Variants in GNG4 observed in about 807,000 individuals in gnomAD.
The protein encoded by GNG4 is guanine nucleotide-binding protein G(I)/G(S)/G(O) subunit gamma-4.
A neutral mutation model predicts 5.8 loss-of-function variants in GNG4; 4 were observed. That is an observed-to-expected ratio of 0.69 (90% CI 0.34 to 1.57). The LOEUF (loss-of-function observed/expected upper bound fraction) is 1.57, where lower values mean the gene tolerates loss of function less well. Ranked by LOEUF, GNG4 falls within the 40% of genes most tolerant of loss-of-function variation. GNG4 has a pLI of 0.06. For synonymous variants in GNG4, 29 were observed against 32.9 expected (o/e 0.88, Z 0.41); for missense variants, 96 against 95.1 (o/e 1.01, Z -0.04).
At chr1:235,568,613 C>A (rs1434399159) in intron 3 of GNG4, among the ~76,000 whole-genome samples, 1 of 152,064 alleles carries the variant, frequency 6.6e-6, no homozygotes, top group Non-Finnish European at 1.5e-5. Context: ...GTAGAGAATT[C>A]ATTGTAGATG....
At chr1:235,578,768 G>A (rs539524251) in intron 3 of GNG4, among the ~76,000 whole-genome samples, 1 of 152,200 alleles carries the variant, frequency 6.6e-6, no homozygotes, top group South Asian at 2.1e-4. Context: ...CTGAGGCTGT[G>A]GGGTGGTGAG....
chr1:235,574,161 A>G (rs1410974422), intron 3 of GNG4, among the ~76,000 whole-genome samples: 1 of 152,216 alleles, frequency 6.6e-6, no homozygotes, highest in Non-Finnish European at 1.5e-5. Flanking sequence ...ACTTGAGGTC[A>G]GGAGTTCAAG....
At chr1:235,596,212 ACACACACACACACAC>A (rs1688121353) in intron 1 of GNG4, among the ~76,000 whole-genome samples, 8 of 105,454 alleles carry the variant, frequency 7.6e-5, no homozygotes, top group South Asian at 2.6e-4. Flanking sequence ...AACAAAATAC[ACACACACACACACAC>A]ACACACACAC....
intron 1 of GNG4, among the ~76,000 whole-genome samples, chr1:235,624,513 C>T (rs1688772489): frequency 6.6e-6 from 1 of 152,146 alleles, no homozygotes; most frequent in Non-Finnish European, 1.5e-5. Context: ...TTTTCCATTT[C>T]ATTTTTTAAC....
intron 1 of GNG4, among the ~76,000 whole-genome samples, chr1:235,627,294 C>T (rs980101304): frequency 2.0e-5 from 3 of 152,084 alleles, no homozygotes; most frequent in Admixed American, 6.5e-5. Flanking sequence ...CCAATCTCAG[C>T]TCACGACAAC....
At chr1:235,645,462 C>A (rs1193255710) in intron 1 of GNG4, among the ~76,000 whole-genome samples, 1 of 152,152 alleles carries the variant, frequency 6.6e-6, no homozygotes, top group Non-Finnish European at 1.5e-5. Flanking sequence ...TTTGGAGGAA[C>A]ATGTAAACAC....
At chr1:235,605,594 A>G (rs1688341360) in intron 1 of GNG4, among the ~76,000 whole-genome samples, 1 of 152,202 alleles carries the variant, frequency 6.6e-6, no homozygotes, top group Admixed American at 6.5e-5. Flanking sequence ...GAGATGATCG[A>G]TTCAGGTAAG....
chr1:235,611,271 G>A (rs1365950165), intron 1 of GNG4, among the ~76,000 whole-genome samples: 1 of 151,378 alleles, frequency 6.6e-6, no homozygotes, highest in Non-Finnish European at 1.5e-5. Flanking sequence ...GGGCTTAAGT[G>A]ATCCTCCCAC....
chr1:235,596,194 A>AACAC (rs1688118296), intron 1 of GNG4, among the ~76,000 whole-genome samples: 1 of 126,176 alleles, frequency 7.9e-6, no homozygotes, highest in Admixed American at 8.7e-5. Flanking sequence ...ACAAAACAAA[A>AACAC]ACAAACAAAC....
intron 1 of GNG4, chr1:235,615,514 G>A (rs1004073459): frequency 6.8e-5 from 11 of 161,022 alleles, no homozygotes; most frequent in East Asian, 5.5e-4. Flanking sequence ...GCTGCTCCAC[G>A]TCATAGCTCT....
rs889541647 is a variant in GNG4 at position 235,648,732 on chromosome 1, G to A, written c.-123+930C>T. ...GCCTTTTGCTCCGGCTGAGAGGCAC[G>A]GGCCCGGTGCCAGCATTTGACAGTC... On this transcript the variant is annotated intron_variant, in intron 1 of 3. Coordinates refer to ENST00000391854, the MANE Select transcript of GNG4 (RefSeq NM_001098722.2). The surrounding 1 kb of genome is among the most constrained non-coding windows in gnomAD (Gnocchi z 5.0). Among the ~76,000 whole-genome samples, 2 of 152,240 alleles carry A rather than the reference G, an allele frequency of 1.3e-5. No homozygotes were observed. The highest frequency in any genetic ancestry group is 2.9e-5 in the Non-Finnish European group (2 of 68,040).
intron 2 of GNG4, among the ~76,000 whole-genome samples, 158 bp downstream of exon 2, chr1:235,595,242 A>G (rs1310941450): frequency 6.6e-6 from 1 of 152,118 alleles, no homozygotes; most frequent in African/African-American, 2.4e-5. Context: ...GGAGAAGGGG[A>G]CAGGACAGTG....
intron 1 of GNG4, among the ~76,000 whole-genome samples, chr1:235,602,226 C>T (rs540684942): frequency 6.6e-6 from 1 of 152,148 alleles, no homozygotes; most frequent in Non-Finnish European, 1.5e-5. Flanking sequence ...GAGCTGAGAT[C>T]GCGCCATTGC....
At chr1:235,573,664 C>A (rs141359496) in intron 3 of GNG4, among the ~76,000 whole-genome samples, 6,163 of 152,060 alleles carry the variant, frequency 0.041, 377 homozygotes, top group African/African-American at 0.13. Flanking sequence ...GTAGTCCCAG[C>A]TACTCAGGAG....
chr1:235,570,031 G>A (rs1003792318), intron 3 of GNG4, among the ~76,000 whole-genome samples: 2 of 152,072 alleles, frequency 1.3e-5, no homozygotes, highest in Non-Finnish European at 2.9e-5. Flanking sequence ...CTCTTTTCTG[G>A]AATACGGCAA....
At chr1:235,627,946 CGAGGTGG>C (rs1415888585) in intron 1 of GNG4, among the ~76,000 whole-genome samples, 1 of 151,912 alleles carries the variant, frequency 6.6e-6, no homozygotes, top group Non-Finnish European at 1.5e-5. Flanking sequence ...TTTGGGAGGC[CGAGGTGG>C]GAGGATCACC....
chr1:235,573,886 A>G (rs1687414234), intron 3 of GNG4, among the ~76,000 whole-genome samples: 1 of 152,226 alleles, frequency 6.6e-6, no homozygotes, highest in Non-Finnish European at 1.5e-5. Flanking sequence ...ATTAAAAATG[A>G]CATTTTAGGA....
At chr1:235,578,122 T>G (rs967781096) in intron 3 of GNG4, among the ~76,000 whole-genome samples, 43 of 152,208 alleles carry the variant, frequency 2.8e-4, no homozygotes, top group African/African-American at 1.0e-3. Context: ...CAGGGATGCC[T>G]AGGGCTGAAA....
chr1:235,568,211 C>T (rs1276423921), intron 3 of GNG4, among the ~76,000 whole-genome samples: 1 of 151,474 alleles, frequency 6.6e-6, no homozygotes, highest in Non-Finnish European at 1.5e-5. Context: ...CACTCATGAT[C>T]CCCGCTCTAG....
Sources: gnomAD v4.1 joint callset for allele counts (sites outside exome capture counted in the v4.1 genomes callset) on GRCh38, gnomAD v4.1.1 for gene constraint, Gnocchi (gnomAD v3.1) non-coding constraint, MANE v1.5 for transcripts, NCBI Gene and HGNC (gene_info 2026-07-23, HGNC 2026-07-21) for gene names.